The following MAPT variants were observed in gnomAD, a reference collection of about 807,000 sequenced individuals.
MAPT encodes the protein microtubule-associated protein tau.
Under a neutral mutation model 67.9 loss-of-function variants are expected in MAPT, and 34 were observed. The ratio of observed to expected loss-of-function variants is 0.50; its 90% CI spans 0.38 to 0.67. MAPT has a LOEUF of 0.67. Among genes scored for constraint, MAPT ranks in the 30% least tolerant of loss-of-function variants. MAPT has a pLI of 0.00. For missense variants in MAPT, 881 were observed against 1,115.2 expected (o/e 0.79, Z 2.99); for synonymous variants, 456 against 464.5 (o/e 0.98, Z 0.23).
rs185959474 is a variant in MAPT at position 45,996,763 on chromosome 17, G to A, written c.1998+99G>A. The A allele has an allele frequency of 2.5e-4, 372 of 1,513,274 alleles. No individual in the cohort carries two copies. The highest frequency in any genetic ancestry group is 1.8e-3 in the Middle Eastern group (9 of 5,104). The allele number at this position is 1,513,274 out of a possible 1,614,324, so 93.7% of individuals were successfully genotyped here. On this transcript the variant is annotated intron_variant, in intron 9 of 12. Coordinates refer to ENST00000262410, the MANE Select transcript of MAPT (RefSeq NM_001377265.1). This position sits in a 1 kb window ranked among gnomAD's most constrained non-coding sequence, Gnocchi z 4.5. ...GGGCTGCGCCTGGAGGTGCGCGGTT[G>A]AGCGTGGAGTCGTGGGACTGTGCAT...
intron 3 of MAPT, chr17:45,972,900 G>A (rs1178516565): frequency 6.6e-6 from 1 of 152,382 alleles, no homozygotes; most frequent in Non-Finnish European, 1.5e-5. Flanking sequence ...CTTGCTGCGA[G>A]CAAGGCTGGG....
chr17:45,992,718 G>A (rs1200476499), intron 8 of MAPT, among the ~76,000 whole-genome samples: 5 of 151,836 alleles, frequency 3.3e-5, no homozygotes, highest in Non-Finnish European at 5.9e-5. Context: ...GCAAAACCCC[G>A]TCTCTAATAA....
At chr17:45,987,209 G>C in intron 6 of MAPT, 114 bp downstream of exon 6, 1 of 1,026,050 alleles carries the variant, frequency 9.7e-7, no homozygotes, top group Non-Finnish European at 1.5e-6. Context: ...CTAAAGTACA[G>C]CTGTCATTTA....
intron 1 of MAPT, among the ~76,000 whole-genome samples, chr17:45,946,615 A>AAAAAAAAATATATATATATATAT: frequency 3.1e-4 from 31 of 100,372 alleles, no homozygotes; most frequent in Non-Finnish European, 5.5e-4. Context: ...AAAAAAAAAA[A>AAAAAAAAATATATATATATATAT]ATATATATAT....
At chr17:45,950,653 A>T (rs139109627) in intron 1 of MAPT, among the ~76,000 whole-genome samples, 1,633 of 152,094 alleles carry the variant, frequency 0.011, 21 homozygotes, top group African/African-American at 0.037. Context: ...TTTAATTTTT[A>T]AAATTTTATT....
chr17:46,005,931 T>C (rs2435203), intron 9 of MAPT, among the ~76,000 whole-genome samples: 24,647 of 152,242 alleles, frequency 0.16, 2,656 homozygotes, highest in East Asian at 0.6. Flanking sequence ...GATTCTTCTG[T>C]GGCTGCTTCT....
chr17:45,935,457 AC>A, intron 1 of MAPT, among the ~76,000 whole-genome samples: 1 of 151,728 alleles, frequency 6.6e-6, no homozygotes, highest in African/African-American at 2.4e-5. Flanking sequence ...TACCTTCCCC[AC>A]CCCCTCGGAA....
chr17:45,956,026 G>A (rs1427841337), intron 1 of MAPT, among the ~76,000 whole-genome samples: 1 of 152,160 alleles, frequency 6.6e-6, no homozygotes, highest in East Asian at 1.9e-4. Context: ...GTGAGCCATG[G>A]GGCCTAGCCT....
chr17:46,014,402 A>C, intron 11 of MAPT, 78 bp downstream of exon 11: 3 of 967,402 alleles, frequency 3.1e-6, no homozygotes, highest in South Asian at 1.3e-5. Context: ...GAACTGCTCC[A>C]GACTTCAGAA....
chr17:45,961,775 G>GTTTTTT (rs532052263), intron 1 of MAPT, among the ~76,000 whole-genome samples: 1 of 142,222 alleles, frequency 7.0e-6, no homozygotes, highest in Non-Finnish European at 1.5e-5. Flanking sequence ...TATTTGTTTT[G>GTTTTTT]TTTTTTTTTT....
chr17:45,990,177 G>A (rs1011591137), intron 7 of MAPT, 102 bp downstream of exon 7: 5 of 1,080,926 alleles, frequency 4.6e-6, no homozygotes, highest in Non-Finnish European at 7.0e-6. Flanking sequence ...TTCTTCAAAT[G>A]AGTTCTGGCA....
intron 1 of MAPT, among the ~76,000 whole-genome samples, chr17:45,948,620 A>C (rs980336793): frequency 1.1e-4 from 17 of 152,104 alleles, no homozygotes; most frequent in Admixed American, 3.3e-4. Flanking sequence ...TGGTGCCAGG[A>C]TGTCTGGGTT....
In MAPT at chr17:45,971,667, G is replaced by A. The variant is rs1365050689; in HGVS notation, c.134-192G>A. ...TCCTCATCTGATGGCCCTGGTGTGG[G>A]GCACAGTCGTGTTGGCAGGGAGGGA... On this transcript the variant is annotated intron_variant, in intron 2 of 12. Coordinates refer to ENST00000262410, the MANE Select transcript of MAPT (RefSeq NM_001377265.1). This position sits in a 1 kb window ranked among gnomAD's most constrained non-coding sequence, Gnocchi z 4.3. 1.3e-5 allele frequency among the ~76,000 whole-genome samples: 2 copies of A among 152,184 alleles called. No individual in the cohort carries two copies. The highest frequency in any genetic ancestry group is 2.1e-4 in the South Asian group (1 of 4,836).
intron 1 of MAPT, among the ~76,000 whole-genome samples, chr17:45,957,224 A>G (rs2069837437): frequency 6.6e-6 from 1 of 152,096 alleles, no homozygotes. Context: ...ACAGTGTAAA[A>G]GTGTTCCTAT....
At chr17:45,988,154 G>A (rs577783411) in intron 6 of MAPT, among the ~76,000 whole-genome samples, 3 of 152,218 alleles carry the variant, frequency 2.0e-5, no homozygotes, top group Admixed American at 1.3e-4. Flanking sequence ...TCAGCCCCAG[G>A]GCCCCAGCCT....
chr17:45,963,268 CCT>C (rs1382412546), intron 2 of MAPT, among the ~76,000 whole-genome samples: 4 of 152,200 alleles, frequency 2.6e-5, no homozygotes, highest in Admixed American at 6.5e-5. Context: ...TTCGCCTCTT[CCT>C]CTCTCTTTCC....
At position 45,978,435 on chromosome 17, in the gene MAPT, C is replaced by G; in HGVS notation, c.281C>G (p.Thr94Ser). 1 of 1,613,524 alleles carries G rather than the reference C, an allele frequency of 6.2e-7. No homozygotes were observed. Among genetic ancestry groups the G allele is most frequent in the Non-Finnish European group, 8.5e-7 (1 of 1,179,908 alleles). The part of the protein sequence containing the change: ...SLEDEAAGHV[T>S]QEELRVPGRQ... The stretch of plus-strand genomic sequence containing the variant: ...GAAGACGAAGCTGCTGGTCACGTGA[C>G]CCAAGGTCAGTGAACTGGAATTGCC... Residue 94 changes from threonine (T) to serine (S), a missense_variant, in exon 4 of 13, where the codon ACC (threonine) becomes AGC (serine). Transcript: ENST00000262410.
intron 1 of MAPT, among the ~76,000 whole-genome samples, chr17:45,904,278 A>ATATTATATATATTTT (rs1389368674): frequency 1.3e-3 from 61 of 46,902 alleles, no homozygotes; most frequent in African/African-American, 3.8e-3. Flanking sequence ...ATATTTTTAT[A>ATATTATATATATTTT]TATATAATAT....
intron 9 of MAPT, among the ~76,000 whole-genome samples, chr17:45,998,191 G>A (rs1326367713): frequency 1.3e-5 from 2 of 152,160 alleles, no homozygotes; most frequent in African/African-American, 2.4e-5. Flanking sequence ...GCATTTGGAC[G>A]GAGGGTGGCC....
Sources: allele counts gnomAD v4.1 joint callset (sites outside exome capture counted in the v4.1 genomes callset), GRCh38; gene constraint gnomAD v4.1.1; non-coding constraint Gnocchi (gnomAD v3.1); transcripts MANE v1.5; gene names NCBI Gene and HGNC (gene_info 2026-07-23, HGNC 2026-07-21).